GPC3: variants seen among roughly 807,000 people sequenced by gnomAD.
GPC3 encodes glypican 3, also known as glypican-3.
GPC3 carries 3 observed loss-of-function variants against 34.4 expected under a neutral mutation model. The observed-to-expected ratio is 0.09, with a 90% CI of 0.04 to 0.23. GPC3 has a LOEUF of 0.23. GPC3 is among the 10% of genes least tolerant of loss of function. GPC3 has a pLI of 1.00. For missense variants in GPC3, 351 were observed against 445.6 expected (o/e 0.79, Z 1.91); for synonymous variants, 177 against 174.0 (o/e 1.02, Z -0.13).
At chrX:133,724,969 G>T (rs756054019) in intron 3 of GPC3, among the ~76,000 whole-genome samples, 16 of 111,274 alleles carry the variant, frequency 1.4e-4, no homozygotes, top group Non-Finnish European at 2.8e-4. Context: ...CATGCATGGG[G>T]CTCCTGATAG....
At chrX:133,637,400 G>C (rs1488651190) in intron 6 of GPC3, among the ~76,000 whole-genome samples, 1 of 108,854 alleles carries the variant, frequency 9.2e-6, no homozygotes, top group Non-Finnish European at 1.9e-5. Context: ...CTGGGCAACA[G>C]AGTGAGACTC....
intron 2 of GPC3, among the ~76,000 whole-genome samples, chrX:133,914,850 A>G (rs1444711187): frequency 1.9e-5 from 2 of 103,222 alleles, no homozygotes; most frequent in Admixed American, 2.1e-4. Flanking sequence ...AAATAAAAAG[A>G]GAAACAAAAA....
At chrX:133,984,623 G>A (rs897484059) in intron 1 of GPC3, among the ~76,000 whole-genome samples, 1 of 111,573 alleles carries the variant, frequency 9.0e-6, no homozygotes, top group African/African-American at 3.3e-5. Flanking sequence ...CAGCAGCACC[G>A]GTTTTAAAGC....
At chrX:133,947,492 G>A (rs2076374016) in intron 2 of GPC3, among the ~76,000 whole-genome samples, 1 of 111,736 alleles carries the variant, frequency 8.9e-6, no homozygotes, top group African/African-American at 3.3e-5. Context: ...CCCAGGAAAG[G>A]TTTATAACTC....
At chrX:133,618,394 T>C (rs188260119) in intron 6 of GPC3, among the ~76,000 whole-genome samples, 67 of 111,966 alleles carry the variant, frequency 6.0e-4, no homozygotes, top group African/African-American at 2.0e-3. Flanking sequence ...AAATTCAAAA[T>C]GAAATTCAAA....
At chrX:133,815,077 G>GA (rs748539095) in intron 2 of GPC3, among the ~76,000 whole-genome samples, 33 of 110,215 alleles carry the variant, frequency 3.0e-4, no homozygotes, top group Non-Finnish European at 6.1e-4. Flanking sequence ...TTCCAATGGG[G>GA]AAAAAAAGTG....
intron 5 of GPC3, among the ~76,000 whole-genome samples, chrX:133,687,487 G>A (rs930387392): frequency 1.2e-4 from 12 of 101,873 alleles, no homozygotes; most frequent in African/African-American, 4.4e-4. Context: ...TGCCTCCTGG[G>A]TTCTCAGCTC....
chrX:133,709,303 A>G (rs955801254), intron 3 of GPC3, among the ~76,000 whole-genome samples: 1 of 111,593 alleles, frequency 9.0e-6, no homozygotes, highest in Non-Finnish European at 1.9e-5. Flanking sequence ...TATGCAATTT[A>G]ATTATCAACT....
chrX:133,593,353 G>GTAAAAAAAAAAAAAAAAAAAAAAAAA (rs1569391713), intron 7 of GPC3, among the ~76,000 whole-genome samples: 1 of 58,149 alleles, frequency 1.7e-5, no homozygotes, highest in Non-Finnish European at 3.3e-5. Context: ...AAAAAAAAAA[G>GTAAAAAAAAAAAAAAAAAAAAAAAAA]TAAAAAAAAA....
intron 2 of GPC3, among the ~76,000 whole-genome samples, chrX:133,781,126 C>A (rs1043449291): frequency 9.0e-6 from 1 of 111,663 alleles, no homozygotes; most frequent in Admixed American, 9.5e-5. Flanking sequence ...ATTTTTCTCT[C>A]TGAATCGATC....
chrX:133,627,443 G>T (rs763206418), intron 6 of GPC3, among the ~76,000 whole-genome samples: 1 of 111,684 alleles, frequency 9.0e-6, no homozygotes, highest in Non-Finnish European at 1.9e-5. Context: ...CATTCCTACC[G>T]TTAATATTAA....
chrX:133,909,714 C>G (rs1300389694), intron 2 of GPC3, among the ~76,000 whole-genome samples: 1 of 111,628 alleles, frequency 9.0e-6, no homozygotes, highest in Non-Finnish European at 1.9e-5. Context: ...CCTATTCCCT[C>G]AAACCATCAG....
intron 2 of GPC3, among the ~76,000 whole-genome samples, chrX:133,868,575 T>C (rs1214742199): frequency 8.9e-6 from 1 of 111,853 alleles, no homozygotes; most frequent in East Asian, 2.8e-4. Flanking sequence ...AAATACAAGA[T>C]AACAACAACA....
chrX:133,573,257 A>G (rs1048007917), intron 7 of GPC3, among the ~76,000 whole-genome samples: 1 of 112,322 alleles, frequency 8.9e-6, no homozygotes, highest in Non-Finnish European at 1.9e-5. Context: ...AAACTCCCTC[A>G]GCCCAATACA....
intron 2 of GPC3, among the ~76,000 whole-genome samples, chrX:133,787,909 A>T (rs922952049): frequency 2.6e-4 from 28 of 108,744 alleles, no homozygotes; most frequent in African/African-American, 9.1e-4. Context: ...AAGATGGGAC[A>T]CAACCACTCT....
At chrX:133,712,884 C>CA (rs778536565) in intron 3 of GPC3, among the ~76,000 whole-genome samples, 1 of 108,886 alleles carries the variant, frequency 9.2e-6, no homozygotes, top group East Asian at 2.9e-4. Flanking sequence ...GACTCCCTCT[C>CA]AAAAAAAATA....
At position 133,605,172 on chromosome X, in the gene GPC3, TG is replaced by T. The variant is rs112241052; in HGVS notation, c.1414-8574del. ...AATGGCTATATATGCACTTCACACGTGGGGGGGGGGCAATAAAGTATAGCAG... is the reference window on the plus strand; with the variant it reads ...AATGGCTATATATGCACTTCACACGTGGGGGGGGGCAATAAAGTATAGCAG... On this transcript the variant is annotated intron_variant, in intron 6 of 7. Transcript: ENST00000370818. Among the ~76,000 whole-genome samples, 791 of 95,945 alleles carry T rather than the reference TG, an allele frequency of 8.2e-3. 1 individual carries two copies. The highest frequency in any genetic ancestry group is 0.013 in the African/African-American group (349 of 26,565). The allele number at this position is 95,945 out of a possible 115,157, so 83.3% of individuals were successfully genotyped here. A position where few individuals can be genotyped will look rare whatever the true frequency, so the allele number is the denominator to read the frequency against.
chrX:133,961,445 A>G (rs766760978), intron 1 of GPC3, among the ~76,000 whole-genome samples: 1 of 111,897 alleles, frequency 8.9e-6, no homozygotes, highest in African/African-American at 3.3e-5. Flanking sequence ...TGCCCAGTAA[A>G]GGTTGAATCC....
intron 2 of GPC3, among the ~76,000 whole-genome samples, chrX:133,842,316 A>G (rs995916482): frequency 1.9e-5 from 2 of 105,376 alleles, no homozygotes; most frequent in Non-Finnish European, 3.9e-5. Context: ...AGACTGTCTC[A>G]AAAAAAAAAT....
Sources: gnomAD v4.1 joint callset for allele counts (sites outside exome capture counted in the v4.1 genomes callset) on GRCh38, gnomAD v4.1.1 for gene constraint, MANE v1.5 for transcripts, NCBI Gene and HGNC (gene_info 2026-07-23, HGNC 2026-07-21) for gene names.